Variants in LCORL observed in about 807,000 individuals in gnomAD.
LCORL encodes ligand dependent nuclear receptor corepressor like, also known as ligand-dependent nuclear receptor corepressor-like protein.
Under a neutral mutation model 141.8 loss-of-function variants are expected in LCORL, and 41 were observed. That is an observed-to-expected ratio of 0.29 (90% confidence interval 0.23 to 0.38). The LOEUF (loss-of-function observed/expected upper bound fraction) is 0.38, where lower values mean the gene tolerates loss of function less well. Among genes scored for constraint, LCORL ranks in the 10% least tolerant of loss-of-function variants. LCORL has a pLI of 1.00. For synonymous variants in LCORL, 618 were observed against 694.1 expected (o/e 0.89, Z 1.72); for missense variants, 1,759 against 2,035.0 (o/e 0.86, Z 2.61).
chr4:17,973,818 A>T (rs1716431211), intron 1 of LCORL, among the ~76,000 whole-genome samples: 1 of 152,128 alleles, frequency 6.6e-6, no homozygotes, highest in Non-Finnish European at 1.5e-5. Context: ...TCCAAAATCA[A>T]GACTCATCTT....
intron 1 of LCORL, among the ~76,000 whole-genome samples, chr4:18,002,680 T>G (rs1722163606): frequency 6.6e-6 from 1 of 152,182 alleles, no homozygotes; most frequent in African/African-American, 2.4e-5. Context: ...AAGCCAGAAT[T>G]TGTTATATTG....
Position 18,021,454 on chromosome 4 carries a change from C to T in LCORL, c.154+144G>A, listed in dbSNP as rs1379293675. 4 of 649,354 alleles carry T rather than the reference C, an allele frequency of 6.2e-6. No homozygotes were observed. Among genetic ancestry groups the T allele is most frequent in the Admixed American group, 4.2e-5 (1 of 23,942 alleles). The allele number at this position is 649,354 out of a possible 1,614,324, so 40.2% of individuals were successfully genotyped here. On this transcript the variant is annotated intron_variant, in intron 1 of 7. Transcript: ENST00000635767. The surrounding 1 kb of genome is among the most constrained non-coding windows in gnomAD (Gnocchi z 5.5). Reference sequence around the variant, plus strand: ...CAAGACAAAAGGCGAGCGCCGGGGCCGCCGCGCCGCGCCGCTCCCATCTCG... The same window carrying T: ...CAAGACAAAAGGCGAGCGCCGGGGCTGCCGCGCCGCGCCGCTCCCATCTCG...
intron 5 of LCORL, among the ~76,000 whole-genome samples, chr4:17,887,544 G>A (rs1427106276): frequency 2.6e-5 from 4 of 152,170 alleles, no homozygotes; most frequent in African/African-American, 9.7e-5. Flanking sequence ...ATGGAACCAT[G>A]TCTGGAATGT....
At chr4:17,899,653 T>G (rs905635035) in intron 5 of LCORL, among the ~76,000 whole-genome samples, 1 of 152,176 alleles carries the variant, frequency 6.6e-6, no homozygotes, top group South Asian at 2.1e-4. Context: ...GAACCCAATT[T>G]TGGCATATTG....
intron 1 of LCORL, among the ~76,000 whole-genome samples, chr4:18,003,235 G>A (rs921777225): frequency 1.3e-5 from 2 of 152,148 alleles, no homozygotes; most frequent in Non-Finnish European, 2.9e-5. Flanking sequence ...CTAAACTAGA[G>A]AGAATAAAAG....
intron 6 of LCORL, chr4:17,881,767 A>G: frequency 1.0e-6 from 1 of 976,566 alleles, no homozygotes; most frequent in Middle Eastern, 5.3e-4. Context: ...CAAAGCCCCC[A>G]AAGTTTTCCA....
chr4:17,892,881 C>T (rs980990965), intron 5 of LCORL, among the ~76,000 whole-genome samples: 1 of 152,136 alleles, frequency 6.6e-6, no homozygotes, highest in Non-Finnish European at 1.5e-5. Context: ...CTCTATATTA[C>T]ATTACCTTAT....
chr4:18,000,326 A>G (rs1026250359), intron 1 of LCORL, among the ~76,000 whole-genome samples: 1 of 152,210 alleles, frequency 6.6e-6, no homozygotes, highest in African/African-American at 2.4e-5. Context: ...TGCTTATGAT[A>G]AAGGAAACAG....
At chr4:17,932,905 T>C (rs756069574) in intron 4 of LCORL, among the ~76,000 whole-genome samples, 9 of 152,210 alleles carry the variant, frequency 5.9e-5, no homozygotes, top group Non-Finnish European at 1.2e-4. Context: ...CTTGAGTTCT[T>C]ACACATTTAA....
intron 2 of LCORL, among the ~76,000 whole-genome samples, chr4:17,964,423 T>C (rs1344814123): frequency 1.3e-5 from 2 of 152,150 alleles, no homozygotes; most frequent in African/African-American, 4.8e-5. Flanking sequence ...AAGCCAGTTA[T>C]AAACAAGACA....
intron 4 of LCORL, among the ~76,000 whole-genome samples, chr4:17,944,487 T>C (rs758319079): frequency 1.3e-5 from 2 of 152,200 alleles, no homozygotes; most frequent in African/African-American, 2.4e-5. Context: ...ATAACTATTG[T>C]TGTTTACTTT....
chr4:17,977,365 C>A (rs1486835739), intron 1 of LCORL, among the ~76,000 whole-genome samples: 1 of 152,166 alleles, frequency 6.6e-6, no homozygotes, highest in Non-Finnish European at 1.5e-5. Flanking sequence ...CATCTGCCAT[C>A]CATGTATGAA....
At chr4:17,883,699 A>G in intron 6 of LCORL, 1 of 1,496,044 alleles carries the variant, frequency 6.7e-7, no homozygotes. Context: ...CACACTCACA[A>G]ACATTTTCCT....
chr4:17,952,552 A>G (rs1002346649), intron 4 of LCORL, among the ~76,000 whole-genome samples: 2 of 151,184 alleles, frequency 1.3e-5, no homozygotes, highest in African/African-American at 4.9e-5. Flanking sequence ...TGTAGCTGGG[A>G]TTACAGGCAG....
At chr4:17,990,670 T>A (rs1719847044) in intron 1 of LCORL, among the ~76,000 whole-genome samples, 1 of 151,298 alleles carries the variant, frequency 6.6e-6, no homozygotes, top group African/African-American at 2.4e-5. Context: ...TAGAGAATTC[T>A]TTTTATTACA....
chr4:17,852,323 T>C (rs1035241609), intron 7 of LCORL, among the ~76,000 whole-genome samples: 40 of 152,176 alleles, frequency 2.6e-4, no homozygotes, highest in African/African-American at 9.6e-4. Context: ...CTGGGCTCAA[T>C]TTCTGACAAT....
chr4:17,852,478 C>T (rs954035657), intron 7 of LCORL, among the ~76,000 whole-genome samples: 1 of 151,958 alleles, frequency 6.6e-6, no homozygotes, highest in Non-Finnish European at 1.5e-5. Context: ...CTTTAAAAAC[C>T]ATATGGAGCT....
At chr4:17,973,158 G>A (rs1716296607) in intron 1 of LCORL, among the ~76,000 whole-genome samples, 1 of 151,726 alleles carries the variant, frequency 6.6e-6, no homozygotes, top group Non-Finnish European at 1.5e-5. Flanking sequence ...GTATTCCTGG[G>A]TAAAATATTA....
exon 7 of LCORL, chr4:17,876,581 T>C: frequency 8.1e-7 from 1 of 1,230,946 alleles, no homozygotes; most frequent in East Asian, 3.2e-5. Flanking sequence ...TTGTTGTGGA[T>C]TCGGATACTT....
Sources: allele counts gnomAD v4.1 joint callset (sites outside exome capture counted in the v4.1 genomes callset), GRCh38; gene constraint gnomAD v4.1.1; non-coding constraint Gnocchi (gnomAD v3.1); transcripts MANE v1.5; gene names NCBI Gene and HGNC (gene_info 2026-07-23, HGNC 2026-07-21).